Variants in PGM5 observed in about 807,000 individuals in gnomAD.
PGM5 encodes phosphoglucomutase-like protein 5.
Under a neutral mutation model 59.2 loss-of-function variants are expected in PGM5, and 23 were observed. The ratio of observed to expected loss-of-function variants is 0.39; its 90% CI spans 0.28 to 0.55. PGM5 has a LOEUF of 0.55. Among genes scored for constraint, PGM5 ranks in the 20% least tolerant of loss-of-function variants. PGM5 has a pLI of 0.66. For missense variants in PGM5, 574 were observed against 748.3 expected (o/e 0.77, Z 2.72); for synonymous variants, 214 against 286.0 (o/e 0.75, Z 2.54).
At chr9:68,503,456 T>C (rs782519294) in intron 10 of PGM5, among the ~76,000 whole-genome samples, 4 of 152,242 alleles carry the variant, frequency 2.6e-5, no homozygotes, top group Admixed American at 6.5e-5. Flanking sequence ...ACTCACAGTA[T>C]GGTTTCTACT....
At chr9:68,474,892 A>T (rs56969913) in intron 7 of PGM5, among the ~76,000 whole-genome samples, 2 of 150,264 alleles carry the variant, frequency 1.3e-5, no homozygotes, top group East Asian at 3.9e-4. Context: ...AATGCATATT[A>T]TTAAGCAAAA....
intron 7 of PGM5, among the ~76,000 whole-genome samples, chr9:68,471,673 A>T (rs537310780): frequency 4.0e-5 from 6 of 151,556 alleles, no homozygotes; most frequent in African/African-American, 1.5e-4. Context: ...TAATCCCAGC[A>T]CTTTGGGAAG....
At chr9:68,494,990 T>G (rs1824460277) in intron 9 of PGM5, among the ~76,000 whole-genome samples, 1 of 152,192 alleles carries the variant, frequency 6.6e-6, no homozygotes, top group African/African-American at 2.4e-5. Context: ...TGCAGTGACA[T>G]TCATTCAACA....
At chr9:68,434,227 A>C (rs756876752) in intron 6 of PGM5, among the ~76,000 whole-genome samples, 8 of 149,464 alleles carry the variant, frequency 5.4e-5, no homozygotes, top group Non-Finnish European at 1.2e-4. Context: ...TGAGCCAGGA[A>C]AATGGCTTGA....
chr9:68,390,013 C>T (rs1219810557), intron 4 of PGM5, among the ~76,000 whole-genome samples: 1 of 152,110 alleles, frequency 6.6e-6, no homozygotes, highest in East Asian at 1.9e-4. Context: ...ATTTTTGTTT[C>T]CTCCAGGTTT....
At chr9:68,479,278 A>G (rs1554686912) in intron 7 of PGM5, 140 bp from the exon 8 acceptor site, 2 of 678,218 alleles carry the variant, frequency 2.9e-6, no homozygotes, top group East Asian at 2.7e-5. Context: ...ATGTATTAGG[A>G]GACATATATT....
At chr9:68,388,250 A>G (rs1305110293) in intron 4 of PGM5, among the ~76,000 whole-genome samples, 2 of 142,458 alleles carry the variant, frequency 1.4e-5, no homozygotes, top group African/African-American at 2.6e-5. Context: ...GCAATATGCT[A>G]TAATTATATT....
intron 6 of PGM5, among the ~76,000 whole-genome samples, chr9:68,438,800 AG>A (rs1229980493): frequency 6.6e-6 from 1 of 152,162 alleles, no homozygotes; most frequent in Non-Finnish European, 1.5e-5. Flanking sequence ...TTCTGTTTCG[AG>A]GAACTTAACA....
intron 6 of PGM5, among the ~76,000 whole-genome samples, chr9:68,413,374 G>T (rs1274592126): frequency 3.4e-4 from 52 of 151,886 alleles, no homozygotes; most frequent in African/African-American, 9.7e-4. Flanking sequence ...CTCCCCAAGG[G>T]TTTCCCAAAT....
At chr9:68,525,951 G>A (rs1246902747) in intron 10 of PGM5, among the ~76,000 whole-genome samples, 4 of 151,994 alleles carry the variant, frequency 2.6e-5, no homozygotes, top group Admixed American at 2.0e-4. Flanking sequence ...AGCTACTCAG[G>A]AGGCTGAGAC....
intron 6 of PGM5, among the ~76,000 whole-genome samples, chr9:68,401,428 G>T (rs1822663593): frequency 6.6e-6 from 1 of 152,128 alleles, no homozygotes. Context: ...CTCGGGAAGG[G>T]CATTGTCGTT....
intron 6 of PGM5, among the ~76,000 whole-genome samples, chr9:68,444,376 A>G (rs1823577893): frequency 6.6e-6 from 1 of 152,200 alleles, no homozygotes; most frequent in African/African-American, 2.4e-5. Flanking sequence ...AAATGGGTCA[A>G]GTAGAATTAT....
chr9:68,411,295 C>A (rs1822924764), intron 6 of PGM5, among the ~76,000 whole-genome samples: 1 of 151,882 alleles, frequency 6.6e-6, no homozygotes, highest in African/African-American at 2.4e-5. Flanking sequence ...GAGGCTGAGG[C>A]TGGAGGATTG....
intron 6 of PGM5, chr9:68,397,259 A>C (rs1663722716): frequency 6.5e-6 from 1 of 152,794 alleles, no homozygotes. Context: ...CCCCATGTAG[A>C]GGTATTAAAT....
chr9:68,497,472 C>T (rs1554688255), intron 9 of PGM5: 1 of 152,070 alleles, frequency 6.6e-6, no homozygotes, highest in East Asian at 1.9e-4. Flanking sequence ...GAAACTAAAG[C>T]TATTTATTTG....
At chr9:68,500,789 C>T (rs1824560781) in intron 10 of PGM5, among the ~76,000 whole-genome samples, 1 of 152,276 alleles carries the variant, frequency 6.6e-6, no homozygotes, top group South Asian at 2.1e-4. Flanking sequence ...TGACTCCGGG[C>T]TATTTTTTCC....
chr9:68,478,372 G>A (rs559244389), intron 7 of PGM5, among the ~76,000 whole-genome samples: 7 of 152,280 alleles, frequency 4.6e-5, no homozygotes, highest in South Asian at 4.1e-4. Flanking sequence ...CTTGGAATAC[G>A]TCATCCCCAG....
intron 1 of PGM5, among the ~76,000 whole-genome samples, chr9:68,361,175 C>T (rs1174151581): frequency 6.6e-6 from 1 of 152,176 alleles, no homozygotes; most frequent in Non-Finnish European, 1.5e-5. Context: ...AGCTTGGTCT[C>T]CCTGAAATAT....
chr9:68,488,597 T>C (rs1024425949), intron 9 of PGM5, among the ~76,000 whole-genome samples: 1 of 152,124 alleles, frequency 6.6e-6, no homozygotes, highest in East Asian at 1.9e-4. Context: ...CAATGTGGCA[T>C]GTTTGGTTTC....
Sources: gnomAD v4.1 joint callset for allele counts (sites outside exome capture counted in the v4.1 genomes callset) on GRCh38, gnomAD v4.1.1 for gene constraint, MANE v1.5 for transcripts, NCBI Gene and HGNC (gene_info 2026-07-23, HGNC 2026-07-21) for gene names.